ILRUN: variants seen among roughly 807,000 people sequenced by gnomAD.
The protein encoded by ILRUN is inflammation and lipid regulator with UBA-like and NBR1-like domains.
In ILRUN, 3 loss-of-function variants were observed where a neutral mutation model predicts 33.8. The ratio of observed to expected loss-of-function variants is 0.09; its 90% CI spans 0.04 to 0.23. The LOEUF (loss-of-function observed/expected upper bound fraction) is 0.23. Among genes scored for constraint, ILRUN ranks in the 10% least tolerant of loss-of-function variants. The pLI is 1.00. For synonymous variants in ILRUN, 124 were observed against 138.9 expected (o/e 0.89, Z 0.75); for missense variants, 210 against 375.1 (o/e 0.56, Z 3.64).
intron 1 of ILRUN, among the ~76,000 whole-genome samples, chr6:34,673,165 A>T (rs1350289266): frequency 2.0e-5 from 3 of 152,210 alleles, no homozygotes; most frequent in Admixed American, 2.0e-4. Context: ...TTCAGAATGC[A>T]AAAGTTTCAA....
intron 1 of ILRUN, among the ~76,000 whole-genome samples, chr6:34,680,464 T>C (rs2127383592): frequency 6.6e-6 from 1 of 152,250 alleles, no homozygotes; most frequent in Admixed American, 6.5e-5. Context: ...ATAAATCATG[T>C]CTTTTTTTGT....
Position 34,630,076 on chromosome 6 carries a change from T to C in ILRUN, c.511+16525A>G, listed in dbSNP as rs185600875. Among the ~76,000 whole-genome samples the C allele has an allele frequency of 1.4e-4, 22 of 152,180 alleles. No homozygotes were observed. In the East Asian group the frequency reaches 4.3e-3, roughly 29 times the overall value. ...ATTTTGGGGCCATTATTAAGTAAAA[T>C]AGGGGTTACTTCGACACAAGCACTG... On this transcript the variant is annotated intron_variant, in intron 3 of 4. Coordinates refer to ENST00000374023, the MANE Select transcript of ILRUN (RefSeq NM_024294.4).
intron 1 of ILRUN, among the ~76,000 whole-genome samples, chr6:34,679,436 G>A (rs62398736): frequency 6.6e-6 from 1 of 152,006 alleles, no homozygotes; most frequent in Non-Finnish European, 1.5e-5. Flanking sequence ...AGGGATGCAA[G>A]CAAAGATTTA....
At chr6:34,685,146 A>C (rs1187564398) in intron 1 of ILRUN, among the ~76,000 whole-genome samples, 1 of 152,164 alleles carries the variant, frequency 6.6e-6, no homozygotes, top group East Asian at 1.9e-4. Context: ...ATGGAAAAAA[A>C]GAGACATTTG....
chr6:34,644,590 T>C (rs1205207781), intron 3 of ILRUN, among the ~76,000 whole-genome samples: 1 of 152,226 alleles, frequency 6.6e-6, no homozygotes, highest in East Asian at 1.9e-4. Context: ...ATAACCTCTC[T>C]ACATTTTGAT....
At chr6:34,672,506 G>A (rs1411069962) in intron 1 of ILRUN, among the ~76,000 whole-genome samples, 10 of 152,038 alleles carry the variant, frequency 6.6e-5, no homozygotes. Context: ...ATGAGCCCAG[G>A]AGTTCAAGAC....
intron 4 of ILRUN, among the ~76,000 whole-genome samples, chr6:34,600,451 G>C (rs1761486048): frequency 6.6e-6 from 1 of 152,138 alleles, no homozygotes; most frequent in Non-Finnish European, 1.5e-5. Flanking sequence ...CCCTACGTAT[G>C]TTCTAATTCT....
rs1466994017 is a variant in ILRUN at position 34,646,197 on chromosome 6, A to C, written c.511+404T>G. Among the ~76,000 whole-genome samples the C allele has an allele frequency of 6.6e-6, 1 of 152,156 alleles. No homozygotes were observed. The highest frequency in any genetic ancestry group is 1.5e-5 in the Non-Finnish European group (1 of 68,028). ...TTGGCAATAAAGAGAAGGGAGTGAG[A>C]TATGTTAGCAGTTTGACAAGTAGGT... On this transcript the variant is annotated intron_variant, in intron 3 of 4. Transcript: ENST00000374023. The surrounding 1 kb of genome is among the most constrained non-coding windows in gnomAD (Gnocchi z 4.9).
At chr6:34,617,473 C>T (rs557512661) in intron 3 of ILRUN, among the ~76,000 whole-genome samples, 63 of 152,276 alleles carry the variant, frequency 4.1e-4, no homozygotes, top group African/African-American at 1.3e-3. Context: ...CTAGTCTGCA[C>T]TGCCACATAA....
intron 1 of ILRUN, among the ~76,000 whole-genome samples, chr6:34,687,673 G>T (rs1367996527): frequency 7.0e-6 from 1 of 142,796 alleles, no homozygotes; most frequent in South Asian, 2.2e-4. Context: ...ACTCCAGCCT[G>T]GGCAACAGAG....
intron 1 of ILRUN, among the ~76,000 whole-genome samples, chr6:34,692,876 G>A (rs981772359): frequency 3.3e-5 from 5 of 151,906 alleles, no homozygotes; most frequent in East Asian, 1.9e-4. Context: ...CACATTACCC[G>A]TCTGACATGA....
intron 3 of ILRUN, among the ~76,000 whole-genome samples, chr6:34,623,775 T>C (rs890905647): frequency 6.6e-6 from 1 of 152,196 alleles, no homozygotes; most frequent in Admixed American, 6.5e-5. Flanking sequence ...AATTTAAATA[T>C]TGTCCATTTT....
chr6:34,678,836 CAAAAAAAAAAAAAA>C lies in ILRUN; in HGVS notation c.158+17596_158+17609del, dbSNP rs767799882. Among the ~76,000 whole-genome samples the C allele has an allele frequency of 2.6e-3, 123 of 47,888 alleles. 2 individuals are homozygous for C. Among genetic ancestry groups the C allele is most frequent in the African/African-American group, 9.9e-3 (117 of 11,854 alleles). 31.4% of individuals were successfully genotyped at this position (47,888 alleles called of 152,430 possible). The stretch of plus-strand genomic sequence containing the variant: ...CGCCACTGTACTCCAGACTCCGTCT[CAAAAAAAAAAAAAA>C]AAAAAAAAAGAAAGAAAGAAAGAAA... On this transcript the variant is annotated intron_variant, in intron 1 of 4. Coordinates refer to ENST00000374023, the MANE Select transcript of ILRUN (RefSeq NM_024294.4).
chr6:34,631,201 G>A (rs900170768), intron 3 of ILRUN, among the ~76,000 whole-genome samples: 3 of 152,278 alleles, frequency 2.0e-5, no homozygotes, highest in South Asian at 4.1e-4. Context: ...GGATGTACTG[G>A]CTAAAAGAAA....
At chr6:34,657,698 C>A (rs1047033519) in intron 1 of ILRUN, among the ~76,000 whole-genome samples, 1 of 152,192 alleles carries the variant, frequency 6.6e-6, no homozygotes, top group Admixed American at 6.5e-5. Flanking sequence ...GTGGGGTACA[C>A]AGCTTCTCAG....
At chr6:34,617,043 G>A (rs192981352) in intron 3 of ILRUN, 5 of 529,490 alleles carry the variant, frequency 9.4e-6, no homozygotes, top group African/African-American at 3.8e-5. Flanking sequence ...TTGATTGCTC[G>A]ACCTCTTGGT....
At chr6:34,622,412 T>C (rs1762029374) in intron 3 of ILRUN, among the ~76,000 whole-genome samples, 3 of 152,108 alleles carry the variant, frequency 2.0e-5, no homozygotes, top group Admixed American at 1.3e-4. Flanking sequence ...AGGACTTGAA[T>C]ACACATTTCT....
At chr6:34,608,064 G>A (rs1054638824) in intron 3 of ILRUN, among the ~76,000 whole-genome samples, 2 of 151,146 alleles carry the variant, frequency 1.3e-5, no homozygotes, top group African/African-American at 2.4e-5. Flanking sequence ...ATGCACTCCA[G>A]CTCAGGCAAC....
intron 3 of ILRUN, among the ~76,000 whole-genome samples, chr6:34,631,517 CAG>C (rs1342534936): frequency 6.6e-6 from 1 of 152,026 alleles, no homozygotes. Context: ...TTGATATACA[CAG>C]AGTTTCACCA....
Sources: allele counts gnomAD v4.1 joint callset (sites outside exome capture counted in the v4.1 genomes callset), GRCh38; gene constraint gnomAD v4.1.1; non-coding constraint Gnocchi (gnomAD v3.1); transcripts MANE v1.5; gene names NCBI Gene and HGNC (gene_info 2026-07-23, HGNC 2026-07-21).